GBF1: variants seen among roughly 807,000 people sequenced by gnomAD.
GBF1 encodes Golgi-specific brefeldin A-resistance guanine nucleotide exchange factor 1.
GBF1 carries 114 observed loss-of-function variants against 210.5 expected under a neutral mutation model. The ratio of observed to expected loss-of-function variants is 0.54; its 90% CI spans 0.47 to 0.63. The LOEUF (loss-of-function observed/expected upper bound fraction) is 0.63. Ranked by LOEUF, GBF1 falls within the 30% of genes least tolerant of loss-of-function variation. The pLI is 0.00. For missense variants in GBF1, 1,851 were observed against 2,357.7 expected (o/e 0.79, Z 4.45); for synonymous variants, 850 against 889.2 (o/e 0.96, Z 0.78).
chr10:102,260,469 CTTTCTTCT>C, intron 3 of GBF1, among the ~76,000 whole-genome samples: 1 of 52,712 alleles, frequency 1.9e-5, no homozygotes. Context: ...CTATATTTTC[CTTTCTTCT>C]TTTTTTTTTT....
intron 3 of GBF1, among the ~76,000 whole-genome samples, chr10:102,317,865 T>A (rs140898697): frequency 2.6e-5 from 4 of 152,148 alleles, no homozygotes; most frequent in African/African-American, 9.6e-5. Flanking sequence ...CAGAATTTAT[T>A]TAAGAGCTTC....
upstream of GBF1, among the ~76,000 whole-genome samples, chr10:102,240,722 A>G (rs1590409128): frequency 6.6e-6 from 1 of 152,212 alleles, no homozygotes. Context: ...GGGCCCAGAC[A>G]CCCCAAGCCA....
chr10:102,243,108 T>C (rs2070581368), upstream of GBF1, among the ~76,000 whole-genome samples: 1 of 152,096 alleles, frequency 6.6e-6, no homozygotes, highest in Admixed American at 6.5e-5. Flanking sequence ...AATTTCCTAG[T>C]AGTGTCCTGC....
intron 3 of GBF1, among the ~76,000 whole-genome samples, chr10:102,312,434 CA>C (rs1489682983): frequency 6.6e-6 from 1 of 152,120 alleles, no homozygotes; most frequent in Non-Finnish European, 1.5e-5. Context: ...GGTTGGTTGG[CA>C]AGCATTTATA....
At chr10:102,376,899 G>T (rs2060533074) in intron 32 of GBF1, 36 bp from the exon 33 acceptor site, 1 of 1,611,418 alleles carries the variant, frequency 6.2e-7, no homozygotes, top group Non-Finnish European at 8.5e-7. Flanking sequence ...TGCCTATATA[G>T]ACACAGAAAT....
chr10:102,232,238 G>C, the GBF1 span: 7 of 627,598 alleles, frequency 1.1e-5, no homozygotes, highest in Admixed American at 1.8e-4. Flanking sequence ...CCTTAGGATA[G>C]AATCGGGAAA....
chr10:102,359,669 G>C (rs2059483524), intron 11 of GBF1, among the ~76,000 whole-genome samples: 1 of 151,482 alleles, frequency 6.6e-6, no homozygotes, highest in Non-Finnish European at 1.5e-5. Context: ...AAGAAGGAAG[G>C]GAAAAAAGCT....
intron 3 of GBF1, among the ~76,000 whole-genome samples, chr10:102,297,702 C>T (rs1387737799): frequency 2.0e-5 from 3 of 152,158 alleles, no homozygotes; most frequent in Non-Finnish European, 2.9e-5. Flanking sequence ...TTCCTTTGGA[C>T]ATAGAATTTG....
chr10:102,379,160 G>A (rs557960085), intron 33 of GBF1, 124 bp from the exon 34 acceptor site: 128 of 805,444 alleles, frequency 1.6e-4, no homozygotes, highest in Non-Finnish European at 2.4e-4. Context: ...GCGAGGGGGT[G>A]AGGTATGGCA....
chr10:102,379,441 C>G lies in GBF1; in HGVS notation c.4645+7C>G, dbSNP rs771135701. The G allele has an allele frequency of 6.2e-7, 1 of 1,614,036 alleles. No individual in the cohort carries two copies. The highest frequency in any genetic ancestry group is 1.1e-5 in the South Asian group (1 of 91,070). ...TGGTGCCCTTTACTGCAGGGTAAAC[C>G]AGGAGGGGCAGAGGTAGGGAGTTTG... On this transcript the variant is annotated splice_region_variant and intron_variant, in intron 34 of 39. Coordinates refer to ENST00000369983, the MANE Select transcript of GBF1 (RefSeq NM_001377137.1).
intron 36 of GBF1, 103 bp from the exon 37 acceptor site, chr10:102,380,146 T>C (rs776140502): frequency 4.9e-6 from 4 of 822,340 alleles, no homozygotes; most frequent in Non-Finnish European, 8.5e-6. Flanking sequence ...ATCTCTGATC[T>C]AAGATTCTCA....
intron 1 of GBF1, among the ~76,000 whole-genome samples, chr10:102,255,845 C>A (rs2072274691): frequency 6.6e-6 from 1 of 152,262 alleles, no homozygotes; most frequent in South Asian, 2.1e-4. Context: ...ATTTGGAAAG[C>A]AGATAGTCTT....
intron 4 of GBF1, 53 bp from the exon 5 acceptor site, chr10:102,351,203 T>TGTCTCTCCTCTCCACATCAC: frequency 9.7e-7 from 1 of 1,030,532 alleles, no homozygotes; most frequent in South Asian, 1.3e-5. Context: ...CTGCCTTACC[T>TGTCTCTCCTCTCCACATCAC]TTTATCTCTC....
intron 1 of GBF1, among the ~76,000 whole-genome samples, chr10:102,257,272 T>C (rs1468677846): frequency 6.6e-6 from 1 of 152,200 alleles, no homozygotes; most frequent in East Asian, 1.9e-4. Context: ...TTTCTGGAGC[T>C]GACTGGGCAG....
intron 3 of GBF1, among the ~76,000 whole-genome samples, chr10:102,261,328 A>G (rs4919624): frequency 0.16 from 24,311 of 152,058 alleles, 2,287 homozygotes; most frequent in East Asian, 0.25. Context: ...AAGTGTCAAA[A>G]CCAAGGGGAT....
chr10:102,381,988 T>C, intron 39 of GBF1, 68 bp from the exon 40 acceptor site: 1 of 1,338,662 alleles, frequency 7.5e-7, no homozygotes, highest in South Asian at 1.4e-5. Flanking sequence ...AGCAGCCAGC[T>C]GGGCAATGTG....
rs757603453 is a variant in GBF1, at chr10:102,363,737, C to T, written c.2045C>T (p.Pro682Leu). ...GACAAAAAGTTTGCCCGGAAGCCAC[C>T]CCGATTTTCCTGTCTCCTGCCAGAT... is the stretch of plus-strand genomic sequence containing the variant. ...GADKKFARKP[P>L]RFSCLLPDPR... Residue 682 changes from proline (P) to leucine (L), a missense_variant, in exon 17 of 40, where the codon CCC becomes CTC. By Grantham distance (98) the Pro-to-Leu change is moderately conservative (BLOSUM62 -3). Transcript: ENST00000369983. The surrounding 1 kb of genome is among the most constrained non-coding windows in gnomAD (Gnocchi z 4.2). 11 of 1,613,452 alleles carry T rather than the reference C, an allele frequency of 6.8e-6. No individual in the cohort carries two copies. Among genetic ancestry groups the T allele is most frequent in the Non-Finnish European group, 9.3e-6 (11 of 1,179,424 alleles).
chr10:102,325,645 T>A (rs1298520122), intron 3 of GBF1, among the ~76,000 whole-genome samples: 2 of 151,936 alleles, frequency 1.3e-5, no homozygotes, highest in African/African-American at 4.8e-5. Context: ...TTACAAAAGT[T>A]TTTTTTGTTT....
At chr10:102,232,470 G>C in the GBF1 span, among the ~76,000 whole-genome samples, 1 of 152,276 alleles carries the variant, frequency 6.6e-6, no homozygotes, top group South Asian at 2.1e-4. Context: ...ATCACCTGAG[G>C]TCAGGAGTTC....
Sources: allele counts gnomAD v4.1 joint callset (sites outside exome capture counted in the v4.1 genomes callset), GRCh38; gene constraint gnomAD v4.1.1; non-coding constraint Gnocchi (gnomAD v3.1); transcripts MANE v1.5; gene names NCBI Gene and HGNC (gene_info 2026-07-23, HGNC 2026-07-21).